C19orf44: variants seen among roughly 807,000 people sequenced by gnomAD.
The protein encoded by C19orf44 is chromosome 19 open reading frame 44.
Under a neutral mutation model 50.7 loss-of-function variants are expected in C19orf44, and 43 were observed. The ratio of observed to expected loss-of-function variants is 0.85; its 90% confidence interval spans 0.66 to 1.09. The LOEUF (loss-of-function observed/expected upper bound fraction) is 1.09. Among genes scored for constraint, C19orf44 ranks in the 50% least tolerant of loss-of-function variants. C19orf44 has a pLI of 0.00. For synonymous variants in C19orf44, 298 were observed against 334.7 expected, an observed-to-expected ratio of 0.89 and a Z score of 1.20; for missense variants, 722 against 836.2, an observed-to-expected ratio of 0.86 and a Z score of 1.68.
At chr19:16,505,686 A>G (rs2093438543) in intron 3 of C19orf44, among the ~76,000 whole-genome samples, 1 of 151,884 alleles carries the variant, frequency 6.6e-6, no homozygotes, top group African/African-American at 2.4e-5. Flanking sequence ...ATTATTTGTT[A>G]TGATAATTAT....
At chr19:16,505,518 T>G (rs2093438135) in intron 3 of C19orf44, among the ~76,000 whole-genome samples, 1 of 152,014 alleles carries the variant, frequency 6.6e-6, no homozygotes, top group African/African-American at 2.4e-5. Context: ...CAAGCCTGTC[T>G]TCTGTCTTTA....
intron 4 of C19orf44, 39 bp from the exon 5 acceptor site, chr19:16,509,460 A>G (rs770187495): frequency 6.6e-7 from 1 of 1,525,328 alleles, no homozygotes; most frequent in East Asian, 2.3e-5. Context: ...TGATATTTCC[A>G]AAACACTTCC....
At chr19:16,496,643 T>C (rs2093410162) in intron 1 of C19orf44, 178 bp downstream of exon 1, 1 of 165,496 alleles carries the variant, frequency 6.0e-6, no homozygotes, top group African/African-American at 2.4e-5. Flanking sequence ...GCTTCATAGC[T>C]GGGGAGAAGA....
rs368649683 is a variant in C19orf44 at position 16,519,258 on chromosome 19, T to C, written c.*41-836T>C. 245 of 1,613,920 alleles carry C rather than the reference T, an allele frequency of 1.5e-4. 1 individual carries two copies. The highest frequency in any genetic ancestry group is 2.0e-4 in the Non-Finnish European group (238 of 1,180,026). On this transcript the variant is annotated intron_variant, in intron 8 of 8. Transcript: ENST00000221671. The surrounding 1 kb of genome is among the most constrained non-coding windows in gnomAD (Gnocchi z 6.0). The stretch of plus-strand genomic sequence containing the variant: ...GGTCATCCAGAGCCACGCCCACGCC[T>C]TTATACTGGTCCCACTTATCCCGGA...
In C19orf44 at chr19:16,509,482, G is replaced by A; in HGVS notation, c.1150-17G>A. On this transcript the variant is annotated splice_polypyrimidine_tract_variant and intron_variant, in intron 4 of 8. Coordinates refer to ENST00000221671, the MANE Select transcript of C19orf44 (RefSeq NM_032207.4). ...TCCAAAACACTTCCCAGCCACCTCT[G>A]CCATTCTTCATTTTAGGAGGAAAGT... 5 of 1,529,672 alleles carry A rather than the reference G, an allele frequency of 3.3e-6. No individual in the cohort carries two copies. Among genetic ancestry groups the A allele is most frequent in the Non-Finnish European group, 4.4e-6 (5 of 1,141,666 alleles). 94.8% of individuals were successfully genotyped at this position (1,529,672 alleles called of 1,614,324 possible).
chr19:16,511,709 T>C (rs1014495443), intron 5 of C19orf44, among the ~76,000 whole-genome samples: 5 of 150,506 alleles, frequency 3.3e-5, no homozygotes, highest in Non-Finnish European at 7.4e-5. Flanking sequence ...GCCTCCCCAA[T>C]AGCTGGGACT....
chr19:16,520,177 G>A lies in C19orf44; in HGVS notation c.*124G>A, dbSNP rs764135563. The stretch of plus-strand genomic sequence containing the variant: ...GGGGTGGGGCTCCTGGACCGTGACC[G>A]GCGTCTTCTTCCTGGGGAGTACGAC... On this transcript the variant is annotated 3_prime_UTR_variant, in exon 9 of 9. Coordinates refer to ENST00000221671, the MANE Select transcript of C19orf44 (RefSeq NM_032207.4). This position sits in a 1 kb window ranked among gnomAD's most constrained non-coding sequence, Gnocchi z 4.0. 14 of 1,612,792 alleles carry A rather than the reference G, an allele frequency of 8.7e-6. No individual in the cohort carries two copies. Among genetic ancestry groups the A allele is most frequent in the Admixed American group, 1.7e-5 (1 of 60,010 alleles).
rs761747982 is a variant in C19orf44, at chr19:16,503,379, C to T, written c.1074C>T (p.Asp358=). 1.5e-5 allele frequency: 24 copies of T among 1,606,492 alleles called. No homozygotes were observed. The highest frequency in any genetic ancestry group is 1.2e-4 in the South Asian group (11 of 90,480). The change falls in exon 3 of 9, where the codon GAC becomes GAT. Residue 358 remains aspartate (D), a splice_region_variant and synonymous_variant. Transcript: ENST00000221671. ...CAGAAGGTGCTGATGACAGCCTCGA[C>T]GGTAATCCCAGTCCCGGTGCAAAGC... ...PVSEGADDSL[D]EFRINILSLD... is the part of the protein sequence containing the mutation.
intron 6 of C19orf44, among the ~76,000 whole-genome samples, chr19:16,513,394 T>C (rs894599959): frequency 2.6e-5 from 4 of 152,190 alleles, no homozygotes; most frequent in Non-Finnish European, 4.4e-5. Flanking sequence ...TTTTTTTGTT[T>C]GTTCGTTTTG....
Position 16,513,003 on chromosome 19 carries a change from C to T in C19orf44, c.1640-11C>T. The T allele has an allele frequency of 6.2e-7, 1 of 1,611,286 alleles. No homozygotes were observed. The highest frequency in any genetic ancestry group is 8.5e-7 in the Non-Finnish European group (1 of 1,179,556). Reference sequence around the variant, plus strand: ...CCTGCCTGCTTACCCCTCTCTTTGTCCCCGAGATAGTGGCCAGCATGGCAG... The same window carrying T: ...CCTGCCTGCTTACCCCTCTCTTTGTTCCCGAGATAGTGGCCAGCATGGCAG... On this transcript the variant is annotated splice_polypyrimidine_tract_variant and intron_variant, in intron 5 of 8. Transcript: ENST00000221671.
intron 2 of C19orf44, 142 bp from the exon 3 acceptor site, chr19:16,502,923 G>A (rs527436104): frequency 1.3e-5 from 9 of 705,398 alleles, no homozygotes; most frequent in Admixed American, 5.9e-5. Context: ...CCAGGATGTC[G>A]AGGCTACAGT....
rs1031414739 is a variant in C19orf44, at chr19:16,514,640, C to T, written c.1879C>T (p.His627Tyr). The change falls in exon 7 of 9, where the codon CAC becomes TAC. Residue 627 changes from histidine (H) to tyrosine (Y), a missense_variant. Transcript: ENST00000221671. ...CCTGGACGCGGACTCCTTCCACTAC[C>T]ACACCCTGGAGGAAGCCAAAGAGGT... Reference protein sequence around the residue: ...RSLDADSFHYHTLEEAKEYIR... With the variant: ...RSLDADSFHYYTLEEAKEYIR... 8 of 1,582,366 alleles carry T rather than the reference C, an allele frequency of 5.1e-6. No homozygotes were observed. The highest frequency in any genetic ancestry group is 6.9e-6 in the Non-Finnish European group (8 of 1,165,172).
intron 3 of C19orf44, among the ~76,000 whole-genome samples, chr19:16,503,907 G>A (rs1349937833): frequency 1.3e-5 from 2 of 152,160 alleles, no homozygotes; most frequent in African/African-American, 4.8e-5. Context: ...GTTGGAAGCT[G>A]TTGGAGGCTA....
chr19:16,520,276 G>A lies in C19orf44; in HGVS notation c.*223G>A, dbSNP rs1335776249. 1 of 1,613,150 alleles carries A rather than the reference G, an allele frequency of 6.2e-7. No individual in the cohort carries two copies. Among genetic ancestry groups the A allele is most frequent in the Non-Finnish European group, 8.5e-7 (1 of 1,179,854 alleles). Reference sequence around the variant, plus strand: ...GACCTGCTCCGACTTCTGCAGGGAAGGGTGCCCAAGGGTCAGCAGCAGCCA... The same window carrying A: ...GACCTGCTCCGACTTCTGCAGGGAAAGGTGCCCAAGGGTCAGCAGCAGCCA... On this transcript the variant is annotated 3_prime_UTR_variant, in exon 9 of 9. Coordinates refer to ENST00000221671, the MANE Select transcript of C19orf44 (RefSeq NM_032207.4). The surrounding 1 kb of genome is among the most constrained non-coding windows in gnomAD (Gnocchi z 4.0).
chr19:16,512,014 CAAAAAAA>C (rs1203102155), intron 5 of C19orf44, among the ~76,000 whole-genome samples: 13,570 of 46,798 alleles, frequency 0.29, 621 homozygotes, highest in Non-Finnish European at 0.32. Flanking sequence ...GACTCTGTCT[CAAAAAAA>C]AAAAAAAAAA....
At chr19:16,504,823 C>CT (rs201354846) in intron 3 of C19orf44, among the ~76,000 whole-genome samples, 54,037 of 138,170 alleles carry the variant, frequency 0.39, 11,701 homozygotes, top group African/African-American at 0.61. Flanking sequence ...TGAGGCTGGT[C>CT]TTTTTTTTTT....
In C19orf44 at chr19:16,501,002, C is replaced by G. The variant is rs375293781; in HGVS notation, c.210C>G (p.Leu70=). Residue 70 remains leucine, a synonymous_variant, in exon 2 of 9, where the codon CTC becomes CTG. Transcript: ENST00000221671. ...TACTCCTGAAAGAGAACCCTGTGCT[C>G]GGGAGTGGACCCAGGCTTGCCTCAT... ...KHLLLKENPV[L]GSGPRLASCR... The G allele has an allele frequency of 1.2e-6, 2 of 1,613,662 alleles. No homozygotes were observed. Among genetic ancestry groups the G allele is most frequent in the Non-Finnish European group, 1.7e-6 (2 of 1,179,866 alleles).
chr19:16,517,623 G>A (rs1248190797), intron 8 of C19orf44, among the ~76,000 whole-genome samples: 3 of 152,048 alleles, frequency 2.0e-5, no homozygotes, highest in Non-Finnish European at 4.4e-5. Context: ...CAGTGGAGCT[G>A]TCCCCACTCA....
At chr19:16,509,383 T>C (rs758430002) in intron 4 of C19orf44, 116 bp from the exon 5 acceptor site, 206 of 1,349,334 alleles carry the variant, frequency 1.5e-4, no homozygotes, top group Non-Finnish European at 2.0e-4. Flanking sequence ...GAGGACCTGG[T>C]GTGTCCCCTT....
Sources: gnomAD v4.1 joint callset for allele counts (sites outside exome capture counted in the v4.1 genomes callset) on GRCh38, gnomAD v4.1.1 for gene constraint, Gnocchi (gnomAD v3.1) non-coding constraint, MANE v1.5 for transcripts, NCBI Gene and HGNC (gene_info 2026-07-23, HGNC 2026-07-21) for gene names.